Variants in AUTS2 observed in about 807,000 individuals in gnomAD.
AUTS2 encodes the protein autism susceptibility gene 2 protein.
Under a neutral mutation model 112.4 loss-of-function variants are expected in AUTS2, and 17 were observed. The ratio of observed to expected loss-of-function variants is 0.15; its 90% CI spans 0.10 to 0.23. The LOEUF (loss-of-function observed/expected upper bound fraction) is 0.23, where lower values mean the gene tolerates loss of function less well. Ranked by LOEUF, AUTS2 falls within the 10% of genes least tolerant of loss-of-function variation. AUTS2 has a pLI of 1.00. For synonymous variants in AUTS2, 751 were observed against 702.7 expected, an observed-to-expected ratio of 1.07 and a Z score of -1.09; for missense variants, 1,510 against 1,701.6, an observed-to-expected ratio of 0.89 and a Z score of 1.98.
At chr7:70,579,069 C>T (rs1475023577) in intron 5 of AUTS2, among the ~76,000 whole-genome samples, 5 of 150,724 alleles carry the variant, frequency 3.3e-5, no homozygotes, top group Non-Finnish European at 7.4e-5. Flanking sequence ...GTTGGGATTA[C>T]AGGCACATGC....
intron 5 of AUTS2, among the ~76,000 whole-genome samples, chr7:70,530,003 T>C (rs1800012902): frequency 6.6e-6 from 1 of 152,228 alleles, no homozygotes; most frequent in South Asian, 2.1e-4. Flanking sequence ...AAGGTCCTGG[T>C]ATTGATCTTT....
At chr7:70,019,453 A>C (rs908513810) in intron 2 of AUTS2, among the ~76,000 whole-genome samples, 1 of 152,232 alleles carries the variant, frequency 6.6e-6, no homozygotes, top group African/African-American at 2.4e-5. Flanking sequence ...CAAAATACTT[A>C]CTTTAAAAAC....
chr7:69,695,964 C>T (rs188729646), intron 1 of AUTS2, among the ~76,000 whole-genome samples: 6 of 152,138 alleles, frequency 3.9e-5, no homozygotes, highest in African/African-American at 1.4e-4. Context: ...AGGAAGACAC[C>T]CTTTGTGGTA....
rs539703937 is a variant in AUTS2 at position 70,614,953 on chromosome 7, G to T, written c.691-83616G>T. ...CAGGATCACACACGCATTGTTCTCT[G>T]CCTTCCAGACTGGACACTGGCTGAA... On this transcript the variant is annotated intron_variant, in intron 5 of 18. Coordinates refer to ENST00000342771, the MANE Select transcript of AUTS2 (RefSeq NM_015570.4). Among the ~76,000 whole-genome samples, 339 of 152,304 alleles carry T rather than the reference G, an allele frequency of 2.2e-3. 1 individual carries two copies. Among genetic ancestry groups the T allele is most frequent in the South Asian group, 1.0e-2 (48 of 4,824 alleles).
At chr7:70,237,676 C>G (rs1461747688) in intron 4 of AUTS2, among the ~76,000 whole-genome samples, 1 of 152,084 alleles carries the variant, frequency 6.6e-6, no homozygotes, top group Non-Finnish European at 1.5e-5. Flanking sequence ...AAATTCCCGT[C>G]AAATGTATTA....
At chr7:69,617,091 C>T (rs1193470047) in intron 1 of AUTS2, among the ~76,000 whole-genome samples, 1 of 151,938 alleles carries the variant, frequency 6.6e-6, no homozygotes, top group Non-Finnish European at 1.5e-5. Flanking sequence ...TGGGAGGTGA[C>T]AGGGGATTTT....
intron 2 of AUTS2, among the ~76,000 whole-genome samples, chr7:70,023,628 T>C (rs1259310815): frequency 6.6e-6 from 1 of 152,208 alleles, no homozygotes; most frequent in Non-Finnish European, 1.5e-5. Context: ...GTTTTATTTA[T>C]TGTTTTTGGA....
chr7:70,171,040 A>C (rs139893098), intron 4 of AUTS2, among the ~76,000 whole-genome samples: 1,750 of 152,294 alleles, frequency 0.011, 15 homozygotes, highest in Non-Finnish European at 0.02. Context: ...ATAGACGGAA[A>C]TTTCAGCCTT....
chr7:69,770,930 G>A (rs1167476046), intron 1 of AUTS2, among the ~76,000 whole-genome samples: 1 of 152,144 alleles, frequency 6.6e-6, no homozygotes, highest in African/African-American at 2.4e-5. Context: ...ACATAAGGCA[G>A]AACAGGTTGC....
chr7:70,554,054 G>A (rs1801136865), intron 5 of AUTS2, among the ~76,000 whole-genome samples: 1 of 143,856 alleles, frequency 7.0e-6, no homozygotes, highest in Non-Finnish European at 1.5e-5. Flanking sequence ...ACAGGCATGA[G>A]CCACTGCACC....
In AUTS2 at chr7:70,344,723, C is replaced by G. The variant is rs541327872; in HGVS notation, c.661-91029C>G. 5.3e-5 allele frequency among the ~76,000 whole-genome samples: 8 copies of G among 152,292 alleles called. No individual in the cohort carries two copies. The East Asian group carries it at 1.3e-3, about 26-fold the overall frequency. On this transcript the variant is annotated intron_variant, in intron 4 of 18. Transcript: ENST00000342771. ...CATTTGGCTAGCAGTATGTCTCCCC[C>G]ACCCCATCCTGCAAAACCATTTTTT...
chr7:70,123,383 G>C (rs1366950970), intron 3 of AUTS2, among the ~76,000 whole-genome samples: 1 of 152,080 alleles, frequency 6.6e-6, no homozygotes, highest in African/African-American at 2.4e-5. Context: ...ACAGAGGTTT[G>C]TTGTGACATG....
chr7:70,290,102 AAG>A (rs1296768656), intron 4 of AUTS2, among the ~76,000 whole-genome samples: 1 of 152,194 alleles, frequency 6.6e-6, no homozygotes, highest in Non-Finnish European at 1.5e-5. Context: ...CTTGTGTATG[AAG>A]AGTCATGATG....
At chr7:69,969,543 A>G (rs1797763189) in intron 2 of AUTS2, among the ~76,000 whole-genome samples, 1 of 152,206 alleles carries the variant, frequency 6.6e-6, no homozygotes, top group African/African-American at 2.4e-5. Context: ...ACAATGATTC[A>G]ATTTAAAAAT....
At chr7:70,213,573 C>T (rs549717137) in intron 4 of AUTS2, among the ~76,000 whole-genome samples, 107 of 151,844 alleles carry the variant, frequency 7.0e-4, no homozygotes, top group Middle Eastern at 6.8e-3. Context: ...TTTAAATGCA[C>T]TTCAACTTTG....
At chr7:70,086,553 A>G (rs1019560655) in intron 2 of AUTS2, among the ~76,000 whole-genome samples, 2 of 148,738 alleles carry the variant, frequency 1.3e-5, no homozygotes, top group African/African-American at 2.5e-5. Context: ...AGACGGGAGA[A>G]TTGCTTGAAC....
chr7:70,474,311 C>A (rs987914693), intron 5 of AUTS2, among the ~76,000 whole-genome samples: 1 of 152,210 alleles, frequency 6.6e-6, no homozygotes, highest in African/African-American at 2.4e-5. Context: ...TCCCCACCTG[C>A]CCTCTAGGCC....
At chr7:70,465,563 A>G (rs1797138349) in intron 5 of AUTS2, among the ~76,000 whole-genome samples, 1 of 152,172 alleles carries the variant, frequency 6.6e-6, no homozygotes, top group South Asian at 2.1e-4. Flanking sequence ...GTAATTGCCA[A>G]TGACAATGAG....
intron 5 of AUTS2, among the ~76,000 whole-genome samples, chr7:70,652,387 GT>G (rs1563103597): frequency 6.6e-6 from 1 of 151,940 alleles, no homozygotes; most frequent in East Asian, 1.9e-4. Flanking sequence ...GCCATTTAAA[GT>G]GTAAAAATGG....
Sources: allele counts gnomAD v4.1 joint callset (sites outside exome capture counted in the v4.1 genomes callset), GRCh38; gene constraint gnomAD v4.1.1; transcripts MANE v1.5; gene names NCBI Gene and HGNC (gene_info 2026-07-23, HGNC 2026-07-21).